PRKN: variants seen among roughly 807,000 people sequenced by gnomAD.
PRKN encodes E3 ubiquitin-protein ligase parkin.
Under a neutral mutation model 59.5 loss-of-function variants are expected in PRKN, and 56 were observed. That is an observed-to-expected ratio of 0.94 (90% CI 0.76 to 1.18). The LOEUF (loss-of-function observed/expected upper bound fraction) is 1.18, where lower values mean the gene tolerates loss of function less well. PRKN is among the 50% of genes most tolerant of loss of function. The pLI, the probability that PRKN is intolerant of heterozygous loss-of-function variation, is 0.00. For synonymous variants in PRKN, 250 were observed against 222.1 expected, an observed-to-expected ratio of 1.13 and a Z score of -1.12; for missense variants, 657 against 596.4, an observed-to-expected ratio of 1.10 and a Z score of -1.06.
intron 1 of PRKN, among the ~76,000 whole-genome samples, chr6:162,652,961 C>T (rs956005): frequency 0.61 from 93,353 of 151,932 alleles, 29,417 homozygotes; most frequent in African/African-American, 0.75. Flanking sequence ...TCCATATGTA[C>T]CAAAACTGTA....
At chr6:162,301,956 C>T (rs893420089) in intron 2 of PRKN, among the ~76,000 whole-genome samples, 4 of 152,152 alleles carry the variant, frequency 2.6e-5, no homozygotes, top group African/African-American at 9.7e-5. Context: ...TTCTGATATC[C>T]TGTTAGACTA....
At chr6:162,287,571 C>CA (rs1282230474) in intron 2 of PRKN, among the ~76,000 whole-genome samples, 4 of 150,156 alleles carry the variant, frequency 2.7e-5, no homozygotes, top group South Asian at 2.1e-4. Flanking sequence ...TTGCTCCTTG[C>CA]AAAAAAATCA....
At chr6:161,876,494 G>C (rs1292905952) in intron 6 of PRKN, among the ~76,000 whole-genome samples, 1 of 151,996 alleles carries the variant, frequency 6.6e-6, no homozygotes, top group Admixed American at 6.6e-5. Flanking sequence ...TAAATGTTTT[G>C]TAGAGACAAA....
At chr6:162,544,411 G>A (rs1268714806) in intron 1 of PRKN, among the ~76,000 whole-genome samples, 1 of 152,080 alleles carries the variant, frequency 6.6e-6, no homozygotes, top group African/African-American at 2.4e-5. Context: ...AGGAAAAAGG[G>A]ATGTTTATGT....
Position 161,447,207 on chromosome 6 carries a change from G to A in PRKN, c.1084-60330C>T, listed in dbSNP as rs1374572616. The stretch of plus-strand genomic sequence containing the variant: ...ACCGAAAGCTGCTTTTTCACTCAGA[G>A]AATGGGCTGCTGTTCATTGACCAGC... On this transcript the variant is annotated intron_variant, in intron 9 of 11. Transcript: ENST00000366898. This position sits in a 1 kb window ranked among gnomAD's most constrained non-coding sequence, Gnocchi z 4.1. Among the ~76,000 whole-genome samples the A allele has an allele frequency of 6.6e-6, 1 of 152,136 alleles. No individual in the cohort carries two copies. Among genetic ancestry groups the A allele is most frequent in the African/African-American group, 2.4e-5 (1 of 41,446 alleles).
chr6:162,288,009 G>C (rs1781272061), intron 2 of PRKN, among the ~76,000 whole-genome samples: 1 of 152,108 alleles, frequency 6.6e-6, no homozygotes, highest in Non-Finnish European at 1.5e-5. Context: ...CAGGCCAAAT[G>C]CCTCAGGTTC....
At chr6:162,675,195 G>A (rs1246520632) in intron 1 of PRKN, among the ~76,000 whole-genome samples, 7 of 151,818 alleles carry the variant, frequency 4.6e-5, no homozygotes, top group Admixed American at 2.0e-4. Flanking sequence ...TTACAGGCAC[G>A]CACCACCACA....
intron 7 of PRKN, among the ~76,000 whole-genome samples, chr6:161,683,890 T>C (rs1033831961): frequency 2.6e-5 from 4 of 151,986 alleles, no homozygotes; most frequent in African/African-American, 9.7e-5. Flanking sequence ...AATGAGAGAA[T>C]ATAGGGCTCT....
Position 161,956,126 on chromosome 6 carries a change from C to G in PRKN, c.734+17176G>C, listed in dbSNP as rs188290200. Reference sequence around the variant, plus strand: ...GTGATCAGCACTGTTCAAGTTTTATCTCTTGTAATTTTCACAACCTTTTGA... The same window carrying G: ...GTGATCAGCACTGTTCAAGTTTTATGTCTTGTAATTTTCACAACCTTTTGA... On this transcript the variant is annotated intron_variant, in intron 6 of 11. Transcript: ENST00000366898. Among the ~76,000 whole-genome samples, 7 of 152,308 alleles carry G rather than the reference C, an allele frequency of 4.6e-5. No individual in the cohort carries two copies. In the East Asian group the frequency reaches 1.4e-3, roughly 29 times the overall value.
At chr6:161,815,678 C>A (rs3019427) in intron 6 of PRKN, among the ~76,000 whole-genome samples, 1 of 152,192 alleles carries the variant, frequency 6.6e-6, no homozygotes, top group Non-Finnish European at 1.5e-5. Context: ...ACTCCAGCCT[C>A]CTGCCTTCAG....
intron 9 of PRKN, among the ~76,000 whole-genome samples, chr6:161,520,064 A>G (rs960180937): frequency 1.3e-5 from 2 of 152,070 alleles, no homozygotes; most frequent in Non-Finnish European, 2.9e-5. Flanking sequence ...ACCAGTAGAG[A>G]TTGTCTGTGG....
At chr6:162,482,023 CT>C (rs1303652015) in intron 1 of PRKN, among the ~76,000 whole-genome samples, 1 of 152,108 alleles carries the variant, frequency 6.6e-6, no homozygotes, top group Non-Finnish European at 1.5e-5. Flanking sequence ...CCCTTTTCTT[CT>C]TTGGGTCTTA....
chr6:162,366,961 T>A (rs1290111559), intron 2 of PRKN, among the ~76,000 whole-genome samples: 1 of 152,112 alleles, frequency 6.6e-6, no homozygotes, highest in Non-Finnish European at 1.5e-5. Flanking sequence ...TCCCTCATAC[T>A]CTTTTGTATA....
chr6:161,867,693 A>G (rs1464548435), intron 6 of PRKN, among the ~76,000 whole-genome samples: 1 of 152,084 alleles, frequency 6.6e-6, no homozygotes, highest in African/African-American at 2.4e-5. Context: ...ACTGGGTTTT[A>G]TTCTAACTTT....
chr6:162,089,073 T>C (rs1364759445), intron 4 of PRKN, among the ~76,000 whole-genome samples: 1 of 152,194 alleles, frequency 6.6e-6, no homozygotes, highest in Non-Finnish European at 1.5e-5. Flanking sequence ...CTACAACTTT[T>C]GTTCTTCAAA....
intron 5 of PRKN, among the ~76,000 whole-genome samples, chr6:161,977,541 GGTTTTTTTT>G (rs1312595387): frequency 5.1e-5 from 5 of 98,728 alleles, no homozygotes; most frequent in African/African-American, 9.2e-5. Flanking sequence ...CTGTTTTTTT[GGTTTTTTTT>G]TTTTTTTTTT....
At chr6:162,071,347 C>T (rs1426394730) in intron 4 of PRKN, among the ~76,000 whole-genome samples, 3 of 151,584 alleles carry the variant, frequency 2.0e-5, no homozygotes, top group Non-Finnish European at 4.4e-5. Flanking sequence ...TTTTGATTTT[C>T]CTTTATTGTT....
intron 7 of PRKN, among the ~76,000 whole-genome samples, chr6:161,745,836 T>C (rs574655658): frequency 6.6e-6 from 1 of 152,332 alleles, no homozygotes; most frequent in South Asian, 2.1e-4. Flanking sequence ...CAAAGCATGA[T>C]TGTTGCAGCC....
intron 8 of PRKN, among the ~76,000 whole-genome samples, chr6:161,557,779 C>G (rs1360982533): frequency 2.0e-5 from 3 of 152,226 alleles, no homozygotes; most frequent in African/African-American, 7.2e-5. Context: ...TCAATGCTTG[C>G]CAGCCATCCA....
Sources: gnomAD v4.1 joint callset for allele counts (sites outside exome capture counted in the v4.1 genomes callset) on GRCh38, gnomAD v4.1.1 for gene constraint, Gnocchi (gnomAD v3.1) non-coding constraint, MANE v1.5 for transcripts, NCBI Gene and HGNC (gene_info 2026-07-23, HGNC 2026-07-21) for gene names.